TMEM236: variants seen among roughly 807,000 people sequenced by gnomAD.
TMEM236 encodes transmembrane protein 236.
A neutral mutation model predicts 14.7 loss-of-function variants in TMEM236; 11 were observed. The observed-to-expected ratio is 0.75, with a 90% CI of 0.47 to 1.24. TMEM236 has a LOEUF of 1.24. Ranked by LOEUF, TMEM236 falls within the 50% of genes most tolerant of loss-of-function variation. The probability of loss-of-function intolerance (pLI) is 0.00; values close to 1 mark genes in which losing one functional copy is unlikely to be tolerated. For synonymous variants in TMEM236, 182 were observed against 168.6 expected (o/e 1.08, Z -0.62); for missense variants, 464 against 427.3 (o/e 1.09, Z -0.76).
intron 1 of TMEM236, among the ~76,000 whole-genome samples, chr10:17,754,752 C>T (rs1554833607): frequency 6.6e-6 from 1 of 152,152 alleles, no homozygotes; most frequent in East Asian, 1.9e-4. Context: ...GTTAATTTAA[C>T]TAGCAGTTTA....
Position 17,783,836 on chromosome 10 carries a change from T to C in TMEM236, c.472+7666T>C, listed in dbSNP as rs991129678. Among the ~76,000 whole-genome samples, 38 of 152,362 alleles carry C rather than the reference T, an allele frequency of 2.5e-4. No individual in the cohort carries two copies. In the South Asian group the frequency reaches 5.6e-3, roughly 22 times the overall value. On this transcript the variant is annotated intron_variant, in intron 3 of 3. Coordinates refer to ENST00000377495, the MANE Select transcript of TMEM236 (RefSeq NM_001098844.3). ...AGTAGTTGTAGTTGTGTTTGCCCTC[T>C]TCTCATAGGCTTATTGGCCAGTTGT...
chr10:17,786,750 G>A (rs1310822519), intron 3 of TMEM236, among the ~76,000 whole-genome samples: 1 of 152,152 alleles, frequency 6.6e-6, no homozygotes, highest in Non-Finnish European at 1.5e-5. Flanking sequence ...GCCCTGATAT[G>A]GTTTGGCTGT....
chr10:17,800,000 G>A lies in TMEM236; in HGVS notation c.*3496G>A, dbSNP rs1023089264. ...TAGATATTACAGCAAATTACACTGCGAAAACATTGATAGTTCTACACTGTA... is the reference window on the plus strand; with the variant it reads ...TAGATATTACAGCAAATTACACTGCAAAAACATTGATAGTTCTACACTGTA... On this transcript the variant is annotated 3_prime_UTR_variant, in exon 4 of 4. Transcript: ENST00000377495. 6.6e-5 allele frequency: 10 copies of A among 152,296 alleles called. No homozygotes were observed. The highest frequency in any genetic ancestry group is 1.5e-4 in the Non-Finnish European group (10 of 68,004). 9.4% of individuals were successfully genotyped at this position (152,296 alleles called of 1,614,324 possible).
In TMEM236 at chr10:17,796,649, T is replaced by C; in HGVS notation, c.*145T>C. 2 of 671,562 alleles carry C rather than the reference T, an allele frequency of 3.0e-6. No homozygotes were observed. Among genetic ancestry groups the C allele is most frequent in the Non-Finnish European group, 4.9e-6 (2 of 410,454 alleles). The allele number at this position is 671,562 out of a possible 1,614,324, so 41.6% of individuals were successfully genotyped here. On this transcript the variant is annotated 3_prime_UTR_variant, in exon 4 of 4. Transcript: ENST00000377495. ...TAAGCCATTTTTACTAACTCTAGCA[T>C]ATCAGTTTTTTTTTTTACATATACA...
rs550223364 is a variant in TMEM236, at chr10:17,779,045, C to T, written c.472+2875C>T. ...GTAGCACGGCAGTCTCACAGATGTA[C>T]GTGGTACCTAGGAATGCCAATCCCC... On this transcript the variant is annotated intron_variant, in intron 3 of 3. Transcript: ENST00000377495. Among the ~76,000 whole-genome samples, 40 of 152,236 alleles carry T rather than the reference C, an allele frequency of 2.6e-4. 1 individual carries two copies. The East Asian group carries it at 7.0e-3, about 26-fold the overall frequency.
chr10:17,798,576 G>A lies in TMEM236; in HGVS notation c.*2072G>A, dbSNP rs1369586270. 7 of 534,120 alleles carry A rather than the reference G, an allele frequency of 1.3e-5. No individual in the cohort carries two copies. The highest frequency in any genetic ancestry group is 5.6e-5 in the South Asian group (4 of 71,566). 33.1% of individuals were successfully genotyped at this position (534,120 alleles called of 1,614,324 possible). ...AGAATTTGACGTTGTGTTATTCTAC[G>A]CTCCACCAAATACCTCTCCCCTTGC... On this transcript the variant is annotated 3_prime_UTR_variant, in exon 4 of 4. Transcript: ENST00000377495.
Position 17,796,047 on chromosome 10 carries a change from C to T in TMEM236, c.599C>T (p.Pro200Leu), listed in dbSNP as rs1257332327. ...QATNSTQVSQ[P>L]SGAMTRSQES... ...ACCAACAGCACCCAGGTGTCGCAGC[C>T]ATCAGGAGCCATGACACGGAGCCAG... Residue 200 changes from proline to leucine, a missense_variant, in exon 4 of 4, where the codon CCA (proline) becomes CTA (leucine). Transcript: ENST00000377495. 1 of 1,613,826 alleles carries T rather than the reference C, an allele frequency of 6.2e-7. No homozygotes were observed. Among genetic ancestry groups the T allele is most frequent in the African/African-American group, 1.3e-5 (1 of 74,906 alleles).
At chr10:17,757,179 C>A (rs1281511835) in intron 1 of TMEM236, among the ~76,000 whole-genome samples, 1 of 152,000 alleles carries the variant, frequency 6.6e-6, no homozygotes, top group Non-Finnish European at 1.5e-5. Context: ...GTTCTAGGAG[C>A]TTTACACCTT....
intron 1 of TMEM236, among the ~76,000 whole-genome samples, chr10:17,758,950 T>C (rs979230257): frequency 6.6e-6 from 1 of 152,228 alleles, no homozygotes; most frequent in Admixed American, 6.5e-5. Context: ...TAGGCCTCCA[T>C]GCCAGTGTTG....
intron 1 of TMEM236, among the ~76,000 whole-genome samples, chr10:17,762,086 A>G (rs1245364435): frequency 6.6e-6 from 1 of 152,084 alleles, no homozygotes; most frequent in Non-Finnish European, 1.5e-5. Flanking sequence ...CAGCTCGCAT[A>G]ATATAAACTG....
chr10:17,793,666 AG>A (rs1375031217), intron 3 of TMEM236, among the ~76,000 whole-genome samples: 1 of 151,910 alleles, frequency 6.6e-6, no homozygotes, highest in African/African-American at 2.4e-5. Context: ...TTGTATTTTT[AG>A]TAGAAATGGG....
Position 17,794,890 on chromosome 10 carries a change from TGG to T in TMEM236, c.473-1030_473-1029del, listed in dbSNP as rs1201503306. On this transcript the variant is annotated intron_variant, in intron 3 of 3. Coordinates refer to ENST00000377495, the MANE Select transcript of TMEM236 (RefSeq NM_001098844.3). ...GTCTCTACTAAAAGTTAGCCAGGCATGGTGGTGTGCACCTGTAATCCCAGCTA... is the reference window on the plus strand; with the variant it reads ...GTCTCTACTAAAAGTTAGCCAGGCATTGGTGTGCACCTGTAATCCCAGCTA... Among the ~76,000 whole-genome samples the T allele has an allele frequency of 2.0e-5, 3 of 152,114 alleles. No individual in the cohort carries two copies. In the East Asian group the frequency reaches 5.8e-4, roughly 29 times the overall value.
intron 1 of TMEM236, among the ~76,000 whole-genome samples, chr10:17,758,209 A>C (rs1357053180): frequency 6.6e-6 from 1 of 152,244 alleles, no homozygotes; most frequent in African/African-American, 2.4e-5. Flanking sequence ...CTACTAGACA[A>C]AGTAAGGATT....
At chr10:17,794,342 T>C (rs1332506718) in intron 3 of TMEM236, among the ~76,000 whole-genome samples, 1 of 152,224 alleles carries the variant, frequency 6.6e-6, no homozygotes, top group Non-Finnish European at 1.5e-5. Context: ...GCATGTTTGC[T>C]GAGTAAACTT....
intron 3 of TMEM236, among the ~76,000 whole-genome samples, chr10:17,781,818 G>C (rs1589149563): frequency 6.6e-6 from 1 of 151,596 alleles, no homozygotes; most frequent in African/African-American, 2.4e-5. Context: ...TTTGGGAGAA[G>C]GGAGAGCTTC....
At chr10:17,770,662 C>T (rs2985840) in intron 1 of TMEM236, among the ~76,000 whole-genome samples, 13,159 of 152,228 alleles carry the variant, frequency 0.086, 609 homozygotes, top group Non-Finnish European at 0.1. Context: ...GGATTACAGG[C>T]GTGAGCCACC....
chr10:17,775,128 A>C (rs1349117307), intron 2 of TMEM236, among the ~76,000 whole-genome samples: 2 of 152,136 alleles, frequency 1.3e-5, no homozygotes, highest in African/African-American at 4.8e-5. Context: ...TCTCTGGCGC[A>C]TTACCCTGGC....
rs1837571034 is a variant in TMEM236, at chr10:17,771,467, A to T, written c.330+86A>T. On this transcript the variant is annotated intron_variant, in intron 2 of 3. Transcript: ENST00000377495. ...GGAATTTGATAGAGCAGCGTGCTCA[A>T]CAAATTTCTTGACATCTATGTAATC... 9.0e-6 allele frequency: 12 copies of T among 1,336,218 alleles called. No individual in the cohort carries two copies. The South Asian group carries it at 1.3e-4, about 14-fold the overall frequency. The allele number at this position is 1,336,218 out of a possible 1,614,324, so 82.8% of individuals were successfully genotyped here.
intron 1 of TMEM236, among the ~76,000 whole-genome samples, chr10:17,766,053 G>A (rs1217458899): frequency 2.6e-5 from 4 of 152,152 alleles, no homozygotes; most frequent in African/African-American, 9.6e-5. Flanking sequence ...CACAGCCTTG[G>A]TGTTCTCTTC....
Sources: allele counts gnomAD v4.1 joint callset (sites outside exome capture counted in the v4.1 genomes callset), GRCh38; gene constraint gnomAD v4.1.1; transcripts MANE v1.5; gene names NCBI Gene and HGNC (gene_info 2026-07-23, HGNC 2026-07-21).